The following POLR3B variants were observed in gnomAD, a reference collection of about 807,000 sequenced individuals.
The protein encoded by POLR3B is RNA polymerase III subunit B, also known as DNA-directed RNA polymerase III subunit RPC2.
POLR3B carries 96 observed loss-of-function variants against 147.4 expected under a neutral mutation model. The ratio of observed to expected loss-of-function variants is 0.65; its 90% CI spans 0.55 to 0.77. POLR3B has a LOEUF of 0.77. Among genes scored for constraint, POLR3B ranks in the 30% least tolerant of loss-of-function variants. The pLI is 0.00. For synonymous variants in POLR3B, 461 were observed against 485.9 expected (o/e 0.95, Z 0.67); for missense variants, 1,036 against 1,413.5 (o/e 0.73, Z 4.28).
chr12:106,399,564 G>C (rs943062334), intron 10 of POLR3B, among the ~76,000 whole-genome samples: 3 of 152,148 alleles, frequency 2.0e-5, no homozygotes, highest in South Asian at 2.1e-4. Flanking sequence ...AAAATGTTAA[G>C]GGCAGCCAGG....
intron 10 of POLR3B, among the ~76,000 whole-genome samples, chr12:106,401,976 T>A (rs1040471486): frequency 3.3e-5 from 5 of 152,100 alleles, no homozygotes; most frequent in Non-Finnish European, 5.9e-5. Flanking sequence ...ATCAGGCAGT[T>A]GAAGGAAATA....
chr12:106,378,239 T>G (rs1565877746), intron 7 of POLR3B, 28 bp from the exon 8 acceptor site: 1 of 1,344,490 alleles, frequency 7.4e-7, no homozygotes, highest in Non-Finnish European at 1.1e-6. Context: ...GAATAAATGA[T>G]GAAGTTTTTC....
At chr12:106,450,348 A>G (rs867849077) in intron 19 of POLR3B, among the ~76,000 whole-genome samples, 11 of 152,330 alleles carry the variant, frequency 7.2e-5, no homozygotes, top group Middle Eastern at 6.8e-3. Flanking sequence ...AAAGAGTACA[A>G]AGTATAAAAA....
intron 2 of POLR3B, among the ~76,000 whole-genome samples, chr12:106,364,841 A>T (rs1482418842): frequency 6.6e-6 from 1 of 152,214 alleles, no homozygotes; most frequent in Non-Finnish European, 1.5e-5. Context: ...AAGAATGGAG[A>T]CTTGAAAAAT....
chr12:106,384,933 C>T (rs532002261), intron 9 of POLR3B, among the ~76,000 whole-genome samples: 2 of 151,108 alleles, frequency 1.3e-5, no homozygotes, highest in African/African-American at 4.9e-5. Flanking sequence ...TCAAGCTATT[C>T]TCCTGCCTCA....
chr12:106,358,773 A>C (rs141224661), intron 1 of POLR3B, among the ~76,000 whole-genome samples: 1 of 152,216 alleles, frequency 6.6e-6, no homozygotes, highest in Non-Finnish European at 1.5e-5. Flanking sequence ...AGAGTGAAGA[A>C]AAATAGAGGA....
chr12:106,429,512 C>G (rs1173837445), intron 13 of POLR3B, among the ~76,000 whole-genome samples: 1 of 152,050 alleles, frequency 6.6e-6, no homozygotes, highest in African/African-American at 2.4e-5. Context: ...TCAAAAATTT[C>G]TAATCTTAAT....
chr12:106,366,518 G>A lies in POLR3B; in HGVS notation c.108G>A (p.Val36=), dbSNP rs548719279. 1.2e-6 allele frequency: 2 copies of A among 1,606,470 alleles called. No individual in the cohort carries two copies. The highest frequency in any genetic ancestry group is 4.5e-5 in the East Asian group (2 of 44,814). ...ACTTTCTCTTTCTATCTGTTTAGGT[G>A]AAAGGCCTTGTGAAACAGCATATAG... ...KWRLLPAFLK[V]KGLVKQHIDS... The change falls in exon 3 of 28, where the codon GTG becomes GTA. Residue 36 remains valine (V), a splice_region_variant and synonymous_variant. Transcript: ENST00000228347.
chr12:106,364,894 G>A (rs915915361), intron 2 of POLR3B, among the ~76,000 whole-genome samples: 2 of 152,226 alleles, frequency 1.3e-5, no homozygotes, highest in African/African-American at 4.8e-5. Flanking sequence ...CCAGCACCTG[G>A]GGAGGCTGAG....
At position 106,439,548 on chromosome 12, in the gene POLR3B, G is replaced by A. The variant is rs568633380; in HGVS notation, c.1955+1769G>A. ...TAGTCCCAGTAACTCAGGGGGCTGA[G>A]GCTAGAGGATTGCATGAGTCCAGGA... On this transcript the variant is annotated intron_variant, in intron 18 of 27. Coordinates refer to ENST00000228347, the MANE Select transcript of POLR3B (RefSeq NM_018082.6). Among the ~76,000 whole-genome samples, 8 of 152,128 alleles carry A rather than the reference G, an allele frequency of 5.3e-5. No homozygotes were observed. The South Asian group carries it at 1.7e-3, about 32-fold the overall frequency.
At chr12:106,426,384 G>A (rs1460678427) in intron 12 of POLR3B, among the ~76,000 whole-genome samples, 1 of 151,988 alleles carries the variant, frequency 6.6e-6, no homozygotes, top group Non-Finnish European at 1.5e-5. Flanking sequence ...CCAAATAGCT[G>A]GGATTACAGG....
At chr12:106,412,478 G>A (rs12298876) in intron 12 of POLR3B, among the ~76,000 whole-genome samples, 59,902 of 152,058 alleles carry the variant, frequency 0.39, 14,026 homozygotes, top group African/African-American at 0.66. Flanking sequence ...TGATTTGACA[G>A]GGATCACTGC....
At chr12:106,500,217 A>AT (rs1163420618) in intron 25 of POLR3B, 1 of 454,254 alleles carries the variant, frequency 2.2e-6, no homozygotes, top group Admixed American at 2.4e-5. Flanking sequence ...GTTAAAAAAA[A>AT]ATTTTTTAAG....
chr12:106,475,910 T>C (rs1188057498), intron 23 of POLR3B, among the ~76,000 whole-genome samples: 3 of 151,670 alleles, frequency 2.0e-5, no homozygotes, highest in Non-Finnish European at 1.5e-5. Flanking sequence ...CCTGTCATTA[T>C]GATGTTAGCT....
chr12:106,363,751 A>T, intron 1 of POLR3B, 119 bp from the exon 2 acceptor site: 1 of 869,134 alleles, frequency 1.2e-6, no homozygotes, highest in Non-Finnish European at 1.9e-6. Context: ...AAAAATGTTT[A>T]AAAATTATTC....
intron 12 of POLR3B, among the ~76,000 whole-genome samples, chr12:106,414,717 G>A (rs2037278245): frequency 6.6e-6 from 1 of 152,126 alleles, no homozygotes; most frequent in Non-Finnish European, 1.5e-5. Flanking sequence ...AACCCAGTAT[G>A]CTGCAAGCAG....
chr12:106,420,593 T>C (rs1034954153), intron 12 of POLR3B, among the ~76,000 whole-genome samples: 1 of 152,210 alleles, frequency 6.6e-6, no homozygotes, highest in Non-Finnish European at 1.5e-5. Context: ...GTCCAGAATT[T>C]ATGATTATTA....
intron 10 of POLR3B, among the ~76,000 whole-genome samples, chr12:106,397,923 G>A (rs996166810): frequency 3.3e-5 from 5 of 152,216 alleles, no homozygotes; most frequent in African/African-American, 1.2e-4. Context: ...CGTGAACGAC[G>A]CACTAAGACG....
rs1451206257 is a variant in POLR3B, at chr12:106,437,088, G to A, written c.1813G>A (p.Ala605Thr). ...CATAATTGTCAAGAAACAGAAGCCA[G>A]CAGTCACAAATAAACATATGGAAGA... ...PYIIVKKQKPAVTNKHMEELA... is the reference protein window; with the variant it reads ...PYIIVKKQKPTVTNKHMEELA... Residue 605 changes from alanine to threonine, a missense_variant, in exon 17 of 28, where the codon GCA becomes ACA. Ala to Thr is a moderately conservative substitution (Grantham distance 58). Transcript: ENST00000228347. The A allele has an allele frequency of 3.1e-6, 5 of 1,613,496 alleles. No individual in the cohort carries two copies. The highest frequency in any genetic ancestry group is 3.3e-5 in the Admixed American group (2 of 59,996).
Sources: gnomAD v4.1 joint callset for allele counts (sites outside exome capture counted in the v4.1 genomes callset) on GRCh38, gnomAD v4.1.1 for gene constraint, MANE v1.5 for transcripts, NCBI Gene and HGNC (gene_info 2026-07-23, HGNC 2026-07-21) for gene names.